The following BRSK1 variants were observed in gnomAD, a reference collection of about 807,000 sequenced individuals.
BRSK1 encodes serine/threonine-protein kinase BRSK1.
Under a neutral mutation model 86.2 loss-of-function variants are expected in BRSK1, and 17 were observed. The ratio of observed to expected loss-of-function variants is 0.20; its 90% CI spans 0.14 to 0.30. The LOEUF is 0.30. Among genes scored for constraint, BRSK1 ranks in the 10% least tolerant of loss-of-function variants. BRSK1 has a pLI of 1.00. For synonymous variants in BRSK1, 464 were observed against 440.1 expected (o/e 1.05, Z -0.68); for missense variants, 719 against 1,071.9 (o/e 0.67, Z 4.60).
chr19:55,304,751 C>T lies in BRSK1; in HGVS notation c.1548C>T (p.Pro516=), dbSNP rs2088623366. The change falls in exon 14 of 19, where the codon CCC becomes CCT. Residue 516 remains proline, a synonymous_variant. Coordinates refer to ENST00000309383, the MANE Select transcript of BRSK1 (RefSeq NM_032430.2). The surrounding 1 kb of genome is among the most constrained non-coding windows in gnomAD (Gnocchi z 5.2). ...PGSPRSSGGT[P]LHSPLHTPRA... is the part of the protein sequence containing the mutation. ...CCCCGCGCTCCTCTGGCGGGACCCC[C>T]TTGCACTCGCCTCTGCACACGCCCC... 1 of 1,538,966 alleles carries T rather than the reference C, an allele frequency of 6.5e-7. No individual in the cohort carries two copies. Among genetic ancestry groups the T allele is most frequent in the African/African-American group, 1.4e-5 (1 of 72,806 alleles).
In BRSK1 at chr19:55,284,042, G is replaced by A; in HGVS notation, c.-401G>A. The A allele has an allele frequency of 8.1e-7, 1 of 1,235,918 alleles. No individual in the cohort carries two copies. The highest frequency in any genetic ancestry group is 1.0e-6 in the Non-Finnish European group (1 of 990,426). The allele number at this position is 1,235,918 out of a possible 1,614,324, so 76.6% of individuals were successfully genotyped here. A position where few individuals can be genotyped will look rare whatever the true frequency, so the allele number is the denominator to read the frequency against. On this transcript the variant is annotated 5_prime_UTR_variant, in exon 1 of 19. Coordinates refer to ENST00000309383, the MANE Select transcript of BRSK1 (RefSeq NM_032430.2). ...CGGAGAGAAAGGACGAGGTGGCGGG[G>A]GGAGGCGGAGAGGAGGAGGAGGCGG...
At chr19:55,289,951 C>T (rs1005608995) in intron 4 of BRSK1, among the ~76,000 whole-genome samples, 18 of 152,002 alleles carry the variant, frequency 1.2e-4, no homozygotes, top group Admixed American at 4.6e-4. Context: ...CTATTCTAGA[C>T]GTTTTATATA....
intron 4 of BRSK1, among the ~76,000 whole-genome samples, chr19:55,291,496 A>C (rs2122945404): frequency 6.6e-6 from 1 of 152,360 alleles, no homozygotes; most frequent in East Asian, 1.9e-4. Flanking sequence ...GTGAGGCAAC[A>C]GAGTGAGACC....
Position 55,301,578 on chromosome 19 carries a change from C to G in BRSK1, c.745C>G (p.His249Asp), listed in dbSNP as rs1469439249. The change falls in exon 8 of 19, where the codon CAC becomes GAC. Residue 249 changes from histidine (H) to aspartate (D), a missense_variant. Transcript: ENST00000309383. ...LLEKVKRGVF[H>D]MPHFIPPDCQ... ...GGAGAAGGTGAAACGGGGCGTCTTC[C>G]ACATGCCCCACTTCATTCCTCCAGA... The G allele has an allele frequency of 6.2e-7, 1 of 1,613,686 alleles. No homozygotes were observed. The highest frequency in any genetic ancestry group is 1.1e-5 in the South Asian group (1 of 90,942).
Position 55,311,953 on chromosome 19 carries a change from C to G in BRSK1, c.2222C>G (p.Pro741Arg). 5 of 1,609,928 alleles carry G rather than the reference C, an allele frequency of 3.1e-6. No individual in the cohort carries two copies. The highest frequency in any genetic ancestry group is 3.4e-6 in the Non-Finnish European group (4 of 1,178,454). ...GAQTRPAGAP[P>R]RSLQPPPGRP... is the part of the protein sequence containing the mutation. ...CAGACCCGGCCTGCTGGTGCCCCAC[C>G]CCGAAGCCTGCAGCCCCCACCCGGC... The change falls in exon 19 of 19, where the codon CCC (proline) becomes CGC (arginine). Residue 741 changes from proline to arginine, a missense_variant. Pro to Arg is a moderately radical substitution (Grantham distance 103). Around this residue, in one of 6 missense-constraint regions of BRSK1, gnomAD observed 82 missense variants for 72.6 expected, o/e 1.13. Coordinates refer to ENST00000309383, the MANE Select transcript of BRSK1 (RefSeq NM_032430.2).
In BRSK1 at chr19:55,312,533, CAAAAAAAAAAAAAAAAA is replaced by C. The variant is rs372052269; in HGVS notation, c.*478_*494del. 3.5e-4 allele frequency: 9 copies of C among 25,736 alleles called. No individual in the cohort carries two copies. The highest frequency in any genetic ancestry group is 5.6e-4 in the Non-Finnish European group (9 of 16,040). 1.6% of individuals were successfully genotyped at this position (25,736 alleles called of 1,614,324 possible). ...TCCGTGTCTCTGATTCCGCCGGCGG[CAAAAAAAAAAAAAAAAA>C]AAAAAAAAAAAAGATAATAATAATA... On this transcript the variant is annotated 3_prime_UTR_variant, in exon 19 of 19. Coordinates refer to ENST00000309383, the MANE Select transcript of BRSK1 (RefSeq NM_032430.2).
intron 17 of BRSK1, among the ~76,000 whole-genome samples, chr19:55,308,145 C>T (rs528674772): frequency 2.0e-5 from 3 of 151,368 alleles, no homozygotes; most frequent in South Asian, 2.1e-4. Flanking sequence ...CTTAGCCTCC[C>T]GAGTAGCTGG....
At position 55,294,012 on chromosome 19, in the gene BRSK1, C is replaced by G; in HGVS notation, c.459-5C>G. ...AGAGGCCTGAGTCCCACCTGGCTGT[C>G]TCAGCCACAGAGACCTAAAGCCCGA... On this transcript the variant is annotated splice_polypyrimidine_tract_variant and splice_region_variant and intron_variant, in intron 4 of 18. Coordinates refer to ENST00000309383, the MANE Select transcript of BRSK1 (RefSeq NM_032430.2). This position sits in a 1 kb window ranked among gnomAD's most constrained non-coding sequence, Gnocchi z 4.9. The G allele has an allele frequency of 6.2e-7, 1 of 1,608,052 alleles. No homozygotes were observed. Among genetic ancestry groups the G allele is most frequent in the Non-Finnish European group, 8.5e-7 (1 of 1,176,480 alleles).
rs756495986 is a variant in BRSK1 at position 55,308,741 on chromosome 19, G to T, written c.2179+13G>T. On this transcript the variant is annotated intron_variant, in intron 18 of 18. Transcript: ENST00000309383. ...CAGGCCCTGGCAGGTGGGTGGTGGG[G>T]CCGTGGGTGGTGGGGGGCGTGGGTG... 7.0e-7 allele frequency: 1 copy of T among 1,432,150 alleles called. No individual in the cohort carries two copies. Among genetic ancestry groups the T allele is most frequent in the East Asian group, 3.1e-5 (1 of 32,626 alleles). 88.7% of individuals were successfully genotyped at this position (1,432,150 alleles called of 1,614,324 possible).
intron 18 of BRSK1, 105 bp from the exon 19 acceptor site, chr19:55,311,806 G>C: frequency 8.2e-7 from 1 of 1,221,106 alleles, no homozygotes; most frequent in Non-Finnish European, 1.1e-6. Context: ...AGAGCCTCGG[G>C]GTTACTGAGA....
At position 55,310,763 on chromosome 19, in the gene BRSK1, G is replaced by A. The variant is rs1239701319; in HGVS notation, c.2180-1148G>A. Among the ~76,000 whole-genome samples, 3 of 152,202 alleles carry A rather than the reference G, an allele frequency of 2.0e-5. No individual in the cohort carries two copies. Among genetic ancestry groups the A allele is most frequent in the African/African-American group, 7.2e-5 (3 of 41,506 alleles). On this transcript the variant is annotated intron_variant, in intron 18 of 18. Coordinates refer to ENST00000309383, the MANE Select transcript of BRSK1 (RefSeq NM_032430.2). This position sits in a 1 kb window ranked among gnomAD's most constrained non-coding sequence, Gnocchi z 5.0. ...TTTCTCATGGTTGCTAGGGGCAACC[G>A]GAAAGCAAATTAGGTCCACTGGACC... is the stretch of plus-strand genomic sequence containing the variant.
chr19:55,310,582 A>G lies in BRSK1; in HGVS notation c.2180-1329A>G, dbSNP rs2088763116. 1.3e-5 allele frequency among the ~76,000 whole-genome samples: 2 copies of G among 151,884 alleles called. No homozygotes were observed. The highest frequency in any genetic ancestry group is 4.8e-5 in the African/African-American group (2 of 41,328). ...GGGACATTTAGTAATGTCTGGAGAC[A>G]TTTTTCCTCCCCTCAACTGGGGAAA... is the stretch of plus-strand genomic sequence containing the variant. On this transcript the variant is annotated intron_variant, in intron 18 of 18. Transcript: ENST00000309383. The surrounding 1 kb of genome is among the most constrained non-coding windows in gnomAD (Gnocchi z 5.0).
Position 55,302,354 on chromosome 19 carries a change from G to A in BRSK1, c.857+186G>A. On this transcript the variant is annotated intron_variant, in intron 9 of 18. Coordinates refer to ENST00000309383, the MANE Select transcript of BRSK1 (RefSeq NM_032430.2). This position sits in a 1 kb window ranked among gnomAD's most constrained non-coding sequence, Gnocchi z 6.3. ...AGGAGTCTAGGGGTCAGAGGCAGGA[G>A]GGGCTAAGCTAGGAGTCCAGGACTC... is the stretch of plus-strand genomic sequence containing the variant. 1.4e-6 allele frequency: 1 copy of A among 719,192 alleles called. No individual in the cohort carries two copies. Among genetic ancestry groups the A allele is most frequent in the Non-Finnish European group, 2.4e-6 (1 of 415,084 alleles). The allele number at this position is 719,192 out of a possible 1,614,324, so 44.6% of individuals were successfully genotyped here. A position where few individuals can be genotyped will look rare whatever the true frequency, so the allele number is the denominator to read the frequency against.
In BRSK1 at chr19:55,294,131, C is replaced by A; in HGVS notation, c.573C>A (p.Cys191Ter). The part of the protein sequence containing the change: ...QVGDSLLETS[C>*]GSPHYACPEV... ...GGGACAGCCTCCTGGAGACCAGCTGCGGGTGAGTGGGGACTGGGCTCCCGA... is the reference window on the plus strand; with the variant it reads ...GGGACAGCCTCCTGGAGACCAGCTGAGGGTGAGTGGGGACTGGGCTCCCGA... Residue 191 changes from cysteine (C) to a stop codon, truncating the protein, a stop_gained and splice_region_variant, in exon 5 of 19, where the codon TGC (cysteine) becomes TGA (stop). Coordinates refer to ENST00000309383, the MANE Select transcript of BRSK1 (RefSeq NM_032430.2). LOFTEE classifies it high-confidence loss of function. This position sits in a 1 kb window ranked among gnomAD's most constrained non-coding sequence, Gnocchi z 4.9. 6.2e-7 allele frequency: 1 copy of A among 1,612,160 alleles called. No homozygotes were observed.
intron 7 of BRSK1, among the ~76,000 whole-genome samples, chr19:55,300,226 A>G (rs1263671668): frequency 6.6e-6 from 1 of 152,082 alleles, no homozygotes; most frequent in East Asian, 1.9e-4. Flanking sequence ...GGTGGGGTCT[A>G]TGGTCAGTGC....
chr19:55,284,513 C>A lies in BRSK1; in HGVS notation c.71C>A (p.Pro24Gln). The A allele has an allele frequency of 7.6e-7, 1 of 1,321,054 alleles. No individual in the cohort carries two copies. The highest frequency in any genetic ancestry group is 9.8e-7 in the Non-Finnish European group (1 of 1,016,314). The allele number at this position is 1,321,054 out of a possible 1,614,324, so 81.8% of individuals were successfully genotyped here. The change falls in exon 1 of 19, where the codon CCA (proline) becomes CAA (glutamine). Residue 24 changes from proline (P) to glutamine (Q), a missense_variant. Pro to Gln is a moderately conservative substitution (Grantham distance 76). Coordinates refer to ENST00000309383, the MANE Select transcript of BRSK1 (RefSeq NM_032430.2). ...AYHLPHPHPH[P>Q]PQHAQYVGPY... The stretch of plus-strand genomic sequence containing the variant: ...CACCTCCCCCACCCCCACCCCCACC[C>A]ACCCCAGCACGCCCAATATGTGGGC...
At chr19:55,296,396 G>A (rs1322335716) in intron 7 of BRSK1, among the ~76,000 whole-genome samples, 2 of 152,152 alleles carry the variant, frequency 1.3e-5, no homozygotes, top group Non-Finnish European at 1.5e-5. Flanking sequence ...AACACCTGTA[G>A]TGAGAATAAA....
intron 3 of BRSK1, among the ~76,000 whole-genome samples, chr19:55,289,232 C>T (rs1478253720): frequency 1.3e-5 from 2 of 152,028 alleles, no homozygotes; most frequent in Non-Finnish European, 2.9e-5. Flanking sequence ...GTTTGGTTTC[C>T]TAGAGGCTGG....
Sources: gnomAD v4.1 joint callset for allele counts (sites outside exome capture counted in the v4.1 genomes callset) on GRCh38, gnomAD v4.1.1 for gene constraint, gnomAD v4.1.1 regional missense constraint, Gnocchi (gnomAD v3.1) non-coding constraint, MANE v1.5 for transcripts, NCBI Gene and HGNC (gene_info 2026-07-23, HGNC 2026-07-21) for gene names.